CCSER1: variants seen among roughly 807,000 people sequenced by gnomAD.
CCSER1 encodes coiled-coil serine rich protein 1.
A neutral mutation model predicts 82.0 loss-of-function variants in CCSER1; 41 were observed. That is an observed-to-expected ratio of 0.50 (90% CI 0.39 to 0.65). The LOEUF (loss-of-function observed/expected upper bound fraction) is 0.65, where lower values mean the gene tolerates loss of function less well. Among genes scored for constraint, CCSER1 ranks in the 30% least tolerant of loss-of-function variants. CCSER1 has a pLI of 0.00. For synonymous variants in CCSER1, 414 were observed against 383.9 expected, an observed-to-expected ratio of 1.08 and a Z score of -0.92; for missense variants, 1,119 against 1,064.2, an observed-to-expected ratio of 1.05 and a Z score of -0.72.
intron 4 of CCSER1, among the ~76,000 whole-genome samples, chr4:90,444,896 CAT>C (rs1760426423): frequency 1.3e-5 from 2 of 151,924 alleles, no homozygotes; most frequent in Non-Finnish European, 2.9e-5. Flanking sequence ...GTTTAACAAA[CAT>C]AATTTACAGT....
intron 1 of CCSER1, among the ~76,000 whole-genome samples, chr4:90,198,368 T>G (rs1417318830): frequency 6.6e-6 from 1 of 152,074 alleles, no homozygotes; most frequent in Non-Finnish European, 1.5e-5. Flanking sequence ...ATCCCAAGGG[T>G]TTTAGAAACT....
intron 10 of CCSER1, among the ~76,000 whole-genome samples, chr4:91,101,749 T>C (rs1266135804): frequency 6.6e-6 from 1 of 152,030 alleles, no homozygotes; most frequent in Non-Finnish European, 1.5e-5. Flanking sequence ...GTAATCAAAG[T>C]AATTTGTCTA....
chr4:90,797,228 A>ATT (rs1215997553), intron 7 of CCSER1, among the ~76,000 whole-genome samples: 2 of 152,150 alleles, frequency 1.3e-5, no homozygotes, highest in East Asian at 3.8e-4. Context: ...ACCCTTTACC[A>ATT]TTATGTATTG....
intron 5 of CCSER1, among the ~76,000 whole-genome samples, chr4:90,614,641 C>G (rs1252516298): frequency 6.6e-6 from 1 of 152,102 alleles, no homozygotes; most frequent in African/African-American, 2.4e-5. Flanking sequence ...AGCCCTAACT[C>G]TCTTTGATTT....
At chr4:91,586,371 C>T (rs899237821) in intron 10 of CCSER1, among the ~76,000 whole-genome samples, 4 of 151,534 alleles carry the variant, frequency 2.6e-5, no homozygotes, top group African/African-American at 9.7e-5. Flanking sequence ...GATGAGATTT[C>T]CTTAGGAGAG....
intron 6 of CCSER1, among the ~76,000 whole-genome samples, chr4:90,648,333 G>GAAAGAAAGAAAGAA (rs1553969784): frequency 1.3e-5 from 2 of 151,356 alleles, no homozygotes; most frequent in African/African-American, 4.9e-5. Flanking sequence ...AAGAAAGAAA[G>GAAAGAAAGAAAGAA]AAAGAAAGAG....
In CCSER1 at chr4:90,723,993, TA is replaced by T. The variant is rs1321114746; in HGVS notation, c.2010+8del. 1.3e-6 allele frequency: 2 copies of T among 1,537,636 alleles called. No individual in the cohort carries two copies. Among genetic ancestry groups the T allele is most frequent in the Non-Finnish European group, 1.8e-6 (2 of 1,130,488 alleles). On this transcript the variant is annotated splice_donor_region_variant and intron_variant, in intron 7 of 10. Coordinates refer to ENST00000509176, the MANE Select transcript of CCSER1 (RefSeq NM_001145065.2). ...ACTGAAGAGCCAGTGCCTTTCAAGG[TA>T]AAAAACAAACAAGAAAGCATTATTT...
intron 10 of CCSER1, among the ~76,000 whole-genome samples, chr4:91,485,706 G>C (rs1172172815): frequency 2.6e-5 from 4 of 151,964 alleles, no homozygotes; most frequent in Admixed American, 2.6e-4. Flanking sequence ...TAATGCACTT[G>C]GACACATTTT....
chr4:90,957,881 C>G (rs1428495495), intron 9 of CCSER1, among the ~76,000 whole-genome samples: 1 of 151,482 alleles, frequency 6.6e-6, no homozygotes, highest in Non-Finnish European at 1.5e-5. Flanking sequence ...ACTAGGGACT[C>G]TGTCTTGGCT....
At chr4:90,568,153 G>A (rs1164556326) in intron 5 of CCSER1, among the ~76,000 whole-genome samples, 1 of 152,134 alleles carries the variant, frequency 6.6e-6, no homozygotes, top group Non-Finnish European at 1.5e-5. Context: ...AGAATAATAT[G>A]TATTCTTCAG....
At chr4:91,556,893 A>T (rs1762432404) in intron 10 of CCSER1, among the ~76,000 whole-genome samples, 1 of 151,188 alleles carries the variant, frequency 6.6e-6, no homozygotes, top group African/African-American at 2.4e-5. Flanking sequence ...TCTGACCAAT[A>T]TGTCAAAACA....
chr4:91,027,594 G>C (rs1315678762), intron 9 of CCSER1, among the ~76,000 whole-genome samples: 2 of 151,958 alleles, frequency 1.3e-5, no homozygotes, highest in Non-Finnish European at 2.9e-5. Flanking sequence ...CATTCTCACA[G>C]CCCTATTTTT....
chr4:90,653,033 C>A (rs1729058166), intron 6 of CCSER1, among the ~76,000 whole-genome samples: 1 of 151,202 alleles, frequency 6.6e-6, no homozygotes, highest in African/African-American at 2.4e-5. Context: ...GCCTATGGCT[C>A]CCACAAATGC....
intron 10 of CCSER1, among the ~76,000 whole-genome samples, chr4:91,574,795 T>C (rs1763364934): frequency 6.6e-6 from 1 of 151,914 alleles, no homozygotes; most frequent in Non-Finnish European, 1.5e-5. Context: ...ACTATGCTCA[T>C]TACGTGGATT....
chr4:90,375,962 C>A (rs1218998159), intron 3 of CCSER1, among the ~76,000 whole-genome samples: 1 of 152,148 alleles, frequency 6.6e-6, no homozygotes, highest in Non-Finnish European at 1.5e-5. Context: ...GCTTGACCTC[C>A]ACATGGGGAG....
intron 10 of CCSER1, among the ~76,000 whole-genome samples, chr4:91,543,801 G>C (rs537983271): frequency 2.0e-5 from 3 of 152,254 alleles, no homozygotes; most frequent in African/African-American, 4.8e-5. Context: ...TTCTCGAGGA[G>C]TATCTTTGTG....
At chr4:90,178,396 C>T (rs1440268582) in intron 1 of CCSER1, among the ~76,000 whole-genome samples, 1 of 152,012 alleles carries the variant, frequency 6.6e-6, no homozygotes, top group Non-Finnish European at 1.5e-5. Context: ...CTGTTACTCT[C>T]TCCCATTTTT....
chr4:90,948,328 G>C (rs763440194), intron 9 of CCSER1, among the ~76,000 whole-genome samples: 7 of 151,574 alleles, frequency 4.6e-5, no homozygotes, highest in Non-Finnish European at 1.0e-4. Flanking sequence ...TGAAATTAGT[G>C]TCTTCACTTT....
intron 6 of CCSER1, among the ~76,000 whole-genome samples, chr4:90,648,333 G>GAAAGAAAGAA (rs1553969784): frequency 2.0e-5 from 3 of 151,236 alleles, no homozygotes; most frequent in Admixed American, 6.6e-5. Flanking sequence ...AAGAAAGAAA[G>GAAAGAAAGAA]AAAGAAAGAG....
Sources: allele counts gnomAD v4.1 joint callset (sites outside exome capture counted in the v4.1 genomes callset), GRCh38; gene constraint gnomAD v4.1.1; transcripts MANE v1.5; gene names NCBI Gene and HGNC (gene_info 2026-07-23, HGNC 2026-07-21).